Variants in GRID2IP observed in about 807,000 individuals in gnomAD.
GRID2IP encodes delphilin.
GRID2IP carries 78 observed loss-of-function variants against 114.3 expected under a neutral mutation model. That is an observed-to-expected ratio of 0.68 (90% confidence interval 0.57 to 0.82). The LOEUF (loss-of-function observed/expected upper bound fraction) is 0.82. Among genes scored for constraint, GRID2IP ranks in the 40% least tolerant of loss-of-function variants. The probability of loss-of-function intolerance (pLI) is 0.00; values close to 1 mark genes in which losing one functional copy is unlikely to be tolerated. For synonymous variants in GRID2IP, 809 were observed against 724.0 expected (o/e 1.12, Z -1.89); for missense variants, 1,727 against 1,678.5 (o/e 1.03, Z -0.51).
chr7:6,507,985 C>A lies in GRID2IP; in HGVS notation c.2544G>T (p.Gln848His). The change falls in exon 13 of 22, where the codon CAG (glutamine) becomes CAT (histidine). Residue 848 changes from glutamine to histidine, a missense_variant and splice_region_variant. Physicochemically the swap from Gln to His is conservative, Grantham distance 24 (BLOSUM62 0). Transcript: ENST00000457091. This position sits in a 1 kb window ranked among gnomAD's most constrained non-coding sequence, Gnocchi z 5.3. ...CGCTGCTGGGTCCCAGGTCACCTAC[C>A]TGACCCCAGATGGTGCCTTCTGAGT... ...VENSEGTIWG[Q>H]LGEDSDYDKL... The A allele has an allele frequency of 6.5e-7, 1 of 1,550,028 alleles. No homozygotes were observed. Among genetic ancestry groups the A allele is most frequent in the Non-Finnish European group, 8.7e-7 (1 of 1,146,768 alleles).
Position 6,551,311 on chromosome 7 carries a change from TCCTCCGGCATGCGCGCTGCTCC to T in GRID2IP, c.104_125del (p.Gly35AspfsTer19). 1 of 1,544,968 alleles carries T rather than the reference TCCTCCGGCATGCGCGCTGCTCC, an allele frequency of 6.5e-7. No individual in the cohort carries two copies. The highest frequency in any genetic ancestry group is 8.7e-7 in the Non-Finnish European group (1 of 1,146,530). ...CCAGGATCTGGTCTCCTGGCCGCAG[TCCTCCGGCATGCGCGCTGCTCC>T]CCTTGGCCACCTCCAGGACGAAGCA... On this transcript the variant is annotated frameshift_variant, in exon 1 of 22. Transcript: ENST00000457091. LOFTEE classifies it high-confidence loss of function.
At chr7:6,505,355 AG>A (rs1786545997) in intron 14 of GRID2IP, among the ~76,000 whole-genome samples, 1 of 139,740 alleles carries the variant, frequency 7.2e-6, no homozygotes, top group Non-Finnish European at 1.5e-5. Flanking sequence ...AGTAAATGCC[AG>A]CTTTTTTTTT....
At chr7:6,518,822 T>C (rs906129760) in intron 7 of GRID2IP, among the ~76,000 whole-genome samples, 6 of 152,188 alleles carry the variant, frequency 3.9e-5, no homozygotes, top group African/African-American at 1.4e-4. Flanking sequence ...GCTTTAGTTA[T>C]AATCAATGTA....
chr7:6,548,419 G>C (rs1361304295), intron 1 of GRID2IP, among the ~76,000 whole-genome samples: 1 of 152,124 alleles, frequency 6.6e-6, no homozygotes, highest in Non-Finnish European at 1.5e-5. Context: ...AATGCTTGAG[G>C]GGATGGGTAC....
At position 6,509,238 on chromosome 7, in the gene GRID2IP, G is replaced by A. The variant is rs1176405986; in HGVS notation, c.1847C>T (p.Ser616Leu). The A allele has an allele frequency of 7.9e-6, 12 of 1,519,518 alleles. No individual in the cohort carries two copies. The highest frequency in any genetic ancestry group is 1.3e-5 in the South Asian group (1 of 78,542). 94.1% of individuals were successfully genotyped at this position (1,519,518 alleles called of 1,614,324 possible). The change falls in exon 12 of 22, where the codon TCG becomes TTG. Residue 616 changes from serine (S) to leucine (L), a missense_variant. Physicochemically the swap from Ser to Leu is moderately radical, Grantham distance 145 (BLOSUM62 -2). Transcript: ENST00000457091. The surrounding 1 kb of genome is among the most constrained non-coding windows in gnomAD (Gnocchi z 4.9). ...LPSPCYHPLCSGGLASPSSSE... is the reference protein window; with the variant it reads ...LPSPCYHPLCLGGLASPSSSE... ...GCTGCTGGGGGAGGCCAGACCCCCC[G>A]AACACAGCGGGTGGTAGCAGGGGGA...
chr7:6,509,056 G>A lies in GRID2IP; in HGVS notation c.2029C>T (p.Arg677Cys), dbSNP rs914939297. The A allele has an allele frequency of 4.2e-5, 64 of 1,539,190 alleles. No homozygotes were observed. The highest frequency in any genetic ancestry group is 5.1e-5 in the Non-Finnish European group (58 of 1,143,810). The change falls in exon 12 of 22, where the codon CGC becomes TGC. Residue 677 changes from arginine to cysteine, a missense_variant. Physicochemically the swap from Arg to Cys is radical, Grantham distance 180. Coordinates refer to ENST00000457091, the MANE Select transcript of GRID2IP (RefSeq NM_001145118.2). This position sits in a 1 kb window ranked among gnomAD's most constrained non-coding sequence, Gnocchi z 4.9. ...ACGTCCAGGAAGCGGTCAGTATCGC[G>A]GCTTCGCACAGGGTGGGAGAAGGTG... ...LFTFSHPVRS[R>C]DTDRFLDVLS...
chr7:6,535,420 C>T (rs995062406), intron 2 of GRID2IP, among the ~76,000 whole-genome samples: 1 of 152,268 alleles, frequency 6.6e-6, no homozygotes, highest in Admixed American at 6.5e-5. Flanking sequence ...TCCTTCTCCC[C>T]AAGCCTTCTA....
At chr7:6,513,360 G>A (rs566046177) in intron 8 of GRID2IP, among the ~76,000 whole-genome samples, 1 of 150,576 alleles carries the variant, frequency 6.6e-6, no homozygotes, top group South Asian at 2.1e-4. Context: ...GACTACAGGT[G>A]TGCATCACAC....
At chr7:6,512,454 C>A (rs989981597) in intron 8 of GRID2IP, among the ~76,000 whole-genome samples, 1 of 151,764 alleles carries the variant, frequency 6.6e-6, no homozygotes, top group Non-Finnish European at 1.5e-5. Flanking sequence ...GCTCCTCCCA[C>A]CTCATCCTCC....
intron 11 of GRID2IP, among the ~76,000 whole-genome samples, 171 bp downstream of exon 11, chr7:6,510,112 G>T (rs751383895): frequency 6.6e-6 from 1 of 152,114 alleles, no homozygotes; most frequent in Non-Finnish European, 1.5e-5. Flanking sequence ...TTACAGGCAC[G>T]ACCCACGGTA....
intron 2 of GRID2IP, among the ~76,000 whole-genome samples, chr7:6,533,937 A>G (rs1161876720): frequency 1.3e-5 from 2 of 152,112 alleles, no homozygotes; most frequent in Non-Finnish European, 2.9e-5. Flanking sequence ...GGCATGAACC[A>G]CTGCACCCAG....
chr7:6,538,950 G>A (rs13225983), intron 2 of GRID2IP, among the ~76,000 whole-genome samples: 51,082 of 152,070 alleles, frequency 0.34, 10,500 homozygotes, highest in Non-Finnish European at 0.47. Context: ...AAAGGGCCAA[G>A]AGCACACATG....
intron 7 of GRID2IP, among the ~76,000 whole-genome samples, chr7:6,517,502 G>A (rs999201284): frequency 5.3e-5 from 8 of 152,168 alleles, no homozygotes; most frequent in African/African-American, 1.9e-4. Context: ...TCTATTCAAG[G>A]AAGCCCAACT....
At chr7:6,512,233 T>TC (rs1035613392) in intron 8 of GRID2IP, among the ~76,000 whole-genome samples, 2 of 127,292 alleles carry the variant, frequency 1.6e-5, no homozygotes, top group Admixed American at 7.8e-5. Context: ...CTTTTCTTCT[T>TC]TTTTTTTTTT....
intron 2 of GRID2IP, among the ~76,000 whole-genome samples, chr7:6,533,329 T>C (rs1306882128): frequency 1.3e-5 from 2 of 152,160 alleles, no homozygotes; most frequent in Non-Finnish European, 2.9e-5. Context: ...GGTGCTTCTA[T>C]CTACACGTCT....
At chr7:6,543,186 G>C (rs1445307045) in intron 1 of GRID2IP, among the ~76,000 whole-genome samples, 3 of 152,120 alleles carry the variant, frequency 2.0e-5, no homozygotes, top group African/African-American at 7.2e-5. Context: ...TCTGAAGTTA[G>C]GAGTTCGAGA....
Position 6,520,515 on chromosome 7 carries a change from G to A in GRID2IP, c.1268+63C>T. On this transcript the variant is annotated intron_variant, in intron 7 of 21. Coordinates refer to ENST00000457091, the MANE Select transcript of GRID2IP (RefSeq NM_001145118.2). The surrounding 1 kb of genome is among the most constrained non-coding windows in gnomAD (Gnocchi z 4.6). ...GGTTCAGGCAGGGAGACTGGGATGT[G>A]AGTCTAGGCAGGACTTAGGGCCCAC... The A allele has an allele frequency of 6.8e-7, 1 of 1,462,400 alleles. No homozygotes were observed. Among genetic ancestry groups the A allele is most frequent in the Non-Finnish European group, 9.2e-7 (1 of 1,081,260 alleles). 90.6% of individuals were successfully genotyped at this position (1,462,400 alleles called of 1,614,324 possible). A position where few individuals can be genotyped will look rare whatever the true frequency, so the allele number is the denominator to read the frequency against.
intron 8 of GRID2IP, among the ~76,000 whole-genome samples, chr7:6,512,266 T>C (rs1383085612): frequency 8.0e-6 from 1 of 124,374 alleles, no homozygotes; most frequent in Non-Finnish European, 1.8e-5. Flanking sequence ...GGTCTCACTC[T>C]GTCCCCCAGG....
intron 1 of GRID2IP, among the ~76,000 whole-genome samples, chr7:6,548,230 G>A (rs994276017): frequency 1.3e-5 from 2 of 152,076 alleles, no homozygotes; most frequent in African/African-American, 4.8e-5. Context: ...GTGGGGGCCT[G>A]TAATCCCAGC....
Sources: gnomAD v4.1 joint callset for allele counts (sites outside exome capture counted in the v4.1 genomes callset) on GRCh38, gnomAD v4.1.1 for gene constraint, Gnocchi (gnomAD v3.1) non-coding constraint, MANE v1.5 for transcripts, NCBI Gene and HGNC (gene_info 2026-07-23, HGNC 2026-07-21) for gene names.